SDCBP: variants seen among roughly 807,000 people sequenced by gnomAD.
SDCBP encodes syntenin-1.
In SDCBP, 22 loss-of-function variants were observed where a neutral mutation model predicts 30.5. The observed-to-expected ratio is 0.72, with a 90% CI of 0.52 to 1.03. The LOEUF is 1.03. Among genes scored for constraint, SDCBP ranks in the 50% least tolerant of loss-of-function variants. SDCBP has a pLI of 0.00. For synonymous variants in SDCBP, 103 were observed against 118.7 expected (o/e 0.87, Z 0.86); for missense variants, 304 against 369.9 (o/e 0.82, Z 1.46).
At chr8:58,557,356 AT>A (rs1804192857) in intron 1 of SDCBP, among the ~76,000 whole-genome samples, 1 of 137,034 alleles carries the variant, frequency 7.3e-6, no homozygotes, top group African/African-American at 2.7e-5. Flanking sequence ...AAATATATAG[AT>A]ATATAAAAAT....
chr8:58,580,669 CTTTAA>C lies in SDCBP; in HGVS notation c.842+64_842+68del, dbSNP rs1015705453. 9.1e-5 allele frequency: 80 copies of C among 877,454 alleles called. No individual in the cohort carries two copies. The African/African-American group carries it at 1.2e-3, about 13-fold the overall frequency. 54.4% of individuals were successfully genotyped at this position (877,454 alleles called of 1,614,324 possible). A position where few individuals can be genotyped will look rare whatever the true frequency, so the allele number is the denominator to read the frequency against. On this transcript the variant is annotated intron_variant, in intron 8 of 8. Coordinates refer to ENST00000260130, the MANE Select transcript of SDCBP (RefSeq NM_005625.4). The stretch of plus-strand genomic sequence containing the variant: ...CATGTGACTTAATATAAGCACTATA[CTTTAA>C]TTCTCAGCCCTTTGGTTCTTTTACC...
At chr8:58,578,379 A>G in intron 6 of SDCBP, 171 bp downstream of exon 6, 1 of 482,950 alleles carries the variant, frequency 2.1e-6, no homozygotes, top group South Asian at 4.1e-5. Flanking sequence ...TTGTTTTTAA[A>G]GCATTCTGAT....
intron 6 of SDCBP, among the ~76,000 whole-genome samples, chr8:58,579,265 A>C (rs544134470): frequency 5.9e-5 from 9 of 152,344 alleles, no homozygotes; most frequent in African/African-American, 2.2e-4. Context: ...AAAGTTAATA[A>C]AAAATAAAAA....
At position 58,570,911 on chromosome 8, in the gene SDCBP, C is replaced by G. The variant is rs201721790; in HGVS notation, c.76C>G (p.Pro26Ala). ...IQAQTAFSAN[P>A]ANPAILSEAS... ...GGCTCAAACTGCTTTTTCTGCAAAC[C>G]CTGCCAATCCAGCAATTTTGTCAGA... The change falls in exon 3 of 9, where the codon CCT (proline) becomes GCT (alanine). Residue 26 changes from proline to alanine, a missense_variant. Physicochemically the swap from Pro to Ala is conservative, Grantham distance 27. Coordinates refer to ENST00000260130, the MANE Select transcript of SDCBP (RefSeq NM_005625.4). The G allele has an allele frequency of 1.2e-4, 195 of 1,612,854 alleles. No individual in the cohort carries two copies. Among genetic ancestry groups the G allele is most frequent in the Non-Finnish European group, 1.5e-4 (175 of 1,179,348 alleles).
Position 58,575,914 on chromosome 8 carries a change from A to T in SDCBP, c.255A>T (p.Arg85Ser). The T allele has an allele frequency of 1.2e-6, 2 of 1,612,498 alleles. No homozygotes were observed. The highest frequency in any genetic ancestry group is 1.7e-6 in the Non-Finnish European group (2 of 1,178,920). Residue 85 changes from arginine to serine, a missense_variant, in exon 5 of 9, where the codon AGA becomes AGT. By Grantham distance (110) the Arg-to-Ser change is moderately radical (BLOSUM62 -1). Coordinates refer to ENST00000260130, the MANE Select transcript of SDCBP (RefSeq NM_005625.4). Reference protein sequence around the residue: ...GAPLQGQLVARPSSINYMVAP... With the variant: ...GAPLQGQLVASPSSINYMVAP... ...GGTTTTGTCAGCAGTTGGTAGCAAGACCTTCCAGTATAAACTATATGGTGG... is the reference window on the plus strand; with the variant it reads ...GGTTTTGTCAGCAGTTGGTAGCAAGTCCTTCCAGTATAAACTATATGGTGG...
At chr8:58,577,958 G>A in intron 5 of SDCBP, 75 bp from the exon 6 acceptor site, 1 of 1,169,306 alleles carries the variant, frequency 8.6e-7, no homozygotes, top group Non-Finnish European at 1.2e-6. Flanking sequence ...ATAAACAGTT[G>A]TTTCCTAATT....
chr8:58,580,506 G>T lies in SDCBP; in HGVS notation c.751-11G>T. The T allele has an allele frequency of 7.0e-7, 1 of 1,419,550 alleles. No homozygotes were observed. The highest frequency in any genetic ancestry group is 9.9e-7 in the Non-Finnish European group (1 of 1,005,964). The allele number at this position is 1,419,550 out of a possible 1,614,324, so 87.9% of individuals were successfully genotyped here. ...TCTGTGGAATTAATTTTTAATATGT[G>T]TTTTTATCAGGACTCTCAAATTGCA... On this transcript the variant is annotated splice_polypyrimidine_tract_variant and intron_variant, in intron 7 of 8. Coordinates refer to ENST00000260130, the MANE Select transcript of SDCBP (RefSeq NM_005625.4).
At chr8:58,553,687 C>T (rs987580742) in intron 1 of SDCBP, among the ~76,000 whole-genome samples, 7 of 152,228 alleles carry the variant, frequency 4.6e-5, no homozygotes, top group Non-Finnish European at 1.0e-4. Context: ...GTTTTCTCCT[C>T]GATAAGATCT....
intron 1 of SDCBP, among the ~76,000 whole-genome samples, chr8:58,554,674 A>T (rs1804001152): frequency 6.6e-6 from 1 of 152,158 alleles, no homozygotes; most frequent in Non-Finnish European, 1.5e-5. Flanking sequence ...GTTTAATTAA[A>T]GAGTTTCTTA....
chr8:58,558,528 C>T (rs928272718), intron 1 of SDCBP, among the ~76,000 whole-genome samples: 3 of 152,196 alleles, frequency 2.0e-5, no homozygotes, highest in Admixed American at 6.5e-5. Flanking sequence ...AGTGATCCAC[C>T]TACCTTTTTC....
At chr8:58,579,587 G>C in intron 6 of SDCBP, 36 bp from the exon 7 acceptor site, 1 of 1,439,062 alleles carries the variant, frequency 6.9e-7, no homozygotes, top group Non-Finnish European at 9.2e-7. Context: ...GTTTAGCTTA[G>C]AATTAAGTTT....
intron 8 of SDCBP, among the ~76,000 whole-genome samples, chr8:58,580,812 T>G (rs1467104597): frequency 6.6e-6 from 1 of 152,198 alleles, no homozygotes; most frequent in Non-Finnish European, 1.5e-5. Flanking sequence ...AATTCACATA[T>G]ACTTTCCTCA....
At chr8:58,561,130 G>A (rs1804418100) in intron 1 of SDCBP, 1 of 149,258 alleles carries the variant, frequency 6.7e-6, no homozygotes, top group South Asian at 2.1e-4. Context: ...GTTTTTCAAG[G>A]AGAAGAATTA....
intron 1 of SDCBP, among the ~76,000 whole-genome samples, chr8:58,553,771 T>G (rs1017893646): frequency 1.3e-5 from 2 of 152,258 alleles, no homozygotes; most frequent in Non-Finnish European, 2.9e-5. Context: ...TAATCGCCCT[T>G]CTTTTGGGTT....
intron 2 of SDCBP, among the ~76,000 whole-genome samples, 173 bp downstream of exon 2, chr8:58,565,257 AT>A (rs528831420): frequency 1.3e-4 from 20 of 149,976 alleles, no homozygotes; most frequent in South Asian, 2.1e-4. Context: ...AAAATTAGCA[AT>A]TTTTTTTTTC....
intron 1 of SDCBP, among the ~76,000 whole-genome samples, chr8:58,563,227 A>C (rs1245332927): frequency 1.3e-5 from 2 of 152,248 alleles, no homozygotes; most frequent in African/African-American, 2.4e-5. Context: ...TGTGGTATAC[A>C]TACAATGGAA....
intron 2 of SDCBP, among the ~76,000 whole-genome samples, chr8:58,570,097 T>C (rs898400562): frequency 7.9e-5 from 12 of 152,128 alleles, no homozygotes; most frequent in African/African-American, 2.7e-4. Context: ...ATTACCAAAC[T>C]TGTCTCTAAT....
At chr8:58,554,775 C>T (rs1585670280) in intron 1 of SDCBP, among the ~76,000 whole-genome samples, 1 of 152,140 alleles carries the variant, frequency 6.6e-6, no homozygotes, top group South Asian at 2.1e-4. Flanking sequence ...AAAAGAAAAG[C>T]GCCCCCAAAT....
chr8:58,579,582 G>C (rs1385408130), intron 6 of SDCBP, 41 bp from the exon 7 acceptor site: 2 of 1,414,922 alleles, frequency 1.4e-6, no homozygotes, highest in Admixed American at 2.5e-5. Context: ...AAAATGTTTA[G>C]CTTAGAATTA....
Sources: gnomAD v4.1 joint callset for allele counts (sites outside exome capture counted in the v4.1 genomes callset) on GRCh38, gnomAD v4.1.1 for gene constraint, MANE v1.5 for transcripts, NCBI Gene and HGNC (gene_info 2026-07-23, HGNC 2026-07-21) for gene names.